Variants in GLI3 observed in about 807,000 individuals in gnomAD.
GLI3 encodes GLI family zinc finger 3, also known as transcription activator GLI3.
A neutral mutation model predicts 100.8 loss-of-function variants in GLI3; 20 were observed. That is an observed-to-expected ratio of 0.20 (90% CI 0.14 to 0.29). The LOEUF (loss-of-function observed/expected upper bound fraction) is 0.29, where lower values mean the gene tolerates loss of function less well. Ranked by LOEUF, GLI3 falls within the 10% of genes least tolerant of loss-of-function variation. GLI3 has a pLI of 1.00. For synonymous variants in GLI3, 938 were observed against 860.5 expected (o/e 1.09, Z -1.58); for missense variants, 2,040 against 2,128.5 (o/e 0.96, Z 0.82).
intron 4 of GLI3, among the ~76,000 whole-genome samples, chr7:42,061,035 C>G (rs1784558401): frequency 6.6e-6 from 1 of 152,176 alleles, no homozygotes; most frequent in African/African-American, 2.4e-5. Context: ...AGGTAAACAG[C>G]TACTTTAAAA....
chr7:42,113,389 G>T, intron 3 of GLI3: 1 of 697,186 alleles, frequency 1.4e-6, no homozygotes, highest in South Asian at 1.4e-5. Context: ...GGCTGAGGGG[G>T]ATGCTGAAGG....
chr7:42,239,935 G>C (rs1052179928), upstream of GLI3, among the ~76,000 whole-genome samples: 11 of 152,156 alleles, frequency 7.2e-5, no homozygotes, highest in Non-Finnish European at 1.6e-4. Flanking sequence ...ACACCAGAAC[G>C]CTTTCCAAAT....
upstream of GLI3, among the ~76,000 whole-genome samples, chr7:42,241,554 T>C (rs546388052): frequency 6.6e-6 from 1 of 152,328 alleles, no homozygotes; most frequent in Non-Finnish European, 1.5e-5. Flanking sequence ...CCACGCTGAC[T>C]GGCCAGCTGC....
chr7:41,976,427 C>T (rs1040124474), intron 12 of GLI3, among the ~76,000 whole-genome samples: 5 of 152,152 alleles, frequency 3.3e-5, no homozygotes, highest in African/African-American at 1.2e-4. Context: ...GATGTTTTTG[C>T]TCTGTCAGTT....
At chr7:42,232,221 G>C (rs929054532) in intron 1 of GLI3, among the ~76,000 whole-genome samples, 1 of 151,984 alleles carries the variant, frequency 6.6e-6, no homozygotes, top group South Asian at 2.1e-4. Context: ...TATGTACAGT[G>C]CATGCCACAA....
At chr7:42,203,048 G>A (rs1048502922) in intron 2 of GLI3, among the ~76,000 whole-genome samples, 4 of 152,112 alleles carry the variant, frequency 2.6e-5, no homozygotes, top group African/African-American at 9.7e-5. Context: ...GTGCGAGGGG[G>A]CTCTGATTTC....
At chr7:41,993,757 A>G (rs1450367884) in intron 10 of GLI3, among the ~76,000 whole-genome samples, 1 of 152,090 alleles carries the variant, frequency 6.6e-6, no homozygotes, top group Non-Finnish European at 1.5e-5. Flanking sequence ...TATACTCCCA[A>G]CCGGCTGCCT....
intron 3 of GLI3, among the ~76,000 whole-genome samples, chr7:42,083,850 A>G (rs1430364769): frequency 6.6e-6 from 1 of 152,240 alleles, no homozygotes; most frequent in Admixed American, 6.5e-5. Context: ...AACCCGTAAC[A>G]AGTAGACAAA....
chr7:42,102,582 A>G (rs1191932123), intron 3 of GLI3, among the ~76,000 whole-genome samples: 1 of 152,228 alleles, frequency 6.6e-6, no homozygotes, highest in Admixed American at 6.5e-5. Context: ...CCAGCCACCG[A>G]GCAGCTGTAC....
chr7:42,091,497 G>A (rs946831751), intron 3 of GLI3, among the ~76,000 whole-genome samples: 1 of 152,232 alleles, frequency 6.6e-6, no homozygotes, highest in African/African-American at 2.4e-5. Flanking sequence ...ACCCCACGAC[G>A]ATGCTCTCTT....
chr7:42,027,615 T>C (rs1789156958), intron 7 of GLI3, among the ~76,000 whole-genome samples: 1 of 152,214 alleles, frequency 6.6e-6, no homozygotes, highest in East Asian at 1.9e-4. Context: ...GACTCTACAT[T>C]TTGCCTATTT....
intron 10 of GLI3, among the ~76,000 whole-genome samples, chr7:42,008,286 A>G (rs763950558): frequency 3.3e-5 from 5 of 152,184 alleles, no homozygotes; most frequent in Non-Finnish European, 7.3e-5. Context: ...CTGTCTCCCT[A>G]TGGTTTCCAT....
rs34148485 is a variant in GLI3 at position 42,148,135 on chromosome 7, G to GCA, written c.367+89_367+90dup. The GCA allele has an allele frequency of 0.033, 28,422 of 864,108 alleles. 298 individuals carry two copies. The highest frequency in any genetic ancestry group is 0.11 in the Admixed American group (3,740 of 33,190). 53.5% of individuals were successfully genotyped at this position (864,108 alleles called of 1,614,324 possible). ...TACAAGCCAAAACTTCATAAAGCGC[G>GCA]CACACACACACACACACACACACAC... On this transcript the variant is annotated intron_variant, in intron 3 of 14. Coordinates refer to ENST00000395925, the MANE Select transcript of GLI3 (RefSeq NM_000168.6).
intron 7 of GLI3, among the ~76,000 whole-genome samples, chr7:42,034,755 T>C (rs950591337): frequency 6.6e-6 from 1 of 152,178 alleles, no homozygotes; most frequent in African/African-American, 2.4e-5. Context: ...ATCTGGGTCA[T>C]TTCCTTTACA....
At chr7:42,001,387 A>G (rs10233459) in intron 10 of GLI3, among the ~76,000 whole-genome samples, 2,891 of 152,206 alleles carry the variant, frequency 0.019, 92 homozygotes, top group African/African-American at 0.063. Context: ...CAACCTGACC[A>G]TATTCTCCTC....
At chr7:42,086,414 C>A (rs780945806) in intron 3 of GLI3, among the ~76,000 whole-genome samples, 3 of 152,134 alleles carry the variant, frequency 2.0e-5, no homozygotes, top group Non-Finnish European at 2.9e-5. Context: ...CTAAACTATA[C>A]TCCCCACACC....
rs1002607533 is a variant in GLI3 at position 41,988,314 on chromosome 7, T to C, written c.1498-9566A>G. ...CTGTCTCTACTAAAAATGCAAAAAA[T>C]TAGCTGGACATTGTAGCAGGTGCCT... On this transcript the variant is annotated intron_variant, in intron 10 of 14. Coordinates refer to ENST00000395925, the MANE Select transcript of GLI3 (RefSeq NM_000168.6). 3.3e-5 allele frequency among the ~76,000 whole-genome samples: 5 copies of C among 152,018 alleles called. No individual in the cohort carries two copies. The East Asian group carries it at 9.7e-4, about 29-fold the overall frequency.
At chr7:42,119,793 G>C (rs1265401266) in intron 3 of GLI3, among the ~76,000 whole-genome samples, 3 of 152,194 alleles carry the variant, frequency 2.0e-5, no homozygotes, top group Non-Finnish European at 4.4e-5. Context: ...GCCTGACTTT[G>C]ATTTCTGAAT....
chr7:42,232,905 T>A (rs1039131970), intron 1 of GLI3, among the ~76,000 whole-genome samples: 1 of 152,016 alleles, frequency 6.6e-6, no homozygotes, highest in African/African-American at 2.4e-5. Context: ...CTTTCACATT[T>A]AAAAAAACCA....
Sources: allele counts gnomAD v4.1 joint callset (sites outside exome capture counted in the v4.1 genomes callset), GRCh38; gene constraint gnomAD v4.1.1; transcripts MANE v1.5; gene names NCBI Gene and HGNC (gene_info 2026-07-23, HGNC 2026-07-21).